The following CLCA4 variants were observed in gnomAD, a reference collection of about 807,000 sequenced individuals.
CLCA4 encodes the protein chloride channel accessory 4.
Under a neutral mutation model 78.9 loss-of-function variants are expected in CLCA4, and 69 were observed. That is an observed-to-expected ratio of 0.87 (90% CI 0.72 to 1.07). CLCA4 has a LOEUF of 1.07. CLCA4 is among the 50% of genes least tolerant of loss of function. The probability of loss-of-function intolerance (pLI) is 0.00; values close to 1 mark genes in which losing one functional copy is unlikely to be tolerated. For missense variants in CLCA4, 1,133 were observed against 1,095.8 expected, an observed-to-expected ratio of 1.03 and a Z score of -0.48; for synonymous variants, 362 against 375.8, an observed-to-expected ratio of 0.96 and a Z score of 0.42.
chr1:86,577,160 A>T (rs1486602828), intron 11 of CLCA4, among the ~76,000 whole-genome samples: 1 of 152,000 alleles, frequency 6.6e-6, no homozygotes, highest in African/African-American at 2.4e-5. Flanking sequence ...TCTCTACTAC[A>T]TTAAAACTTA....
Position 86,560,359 on chromosome 1 carries a change from G to C in CLCA4, c.448+1G>C. 6.2e-7 allele frequency: 1 copy of C among 1,613,228 alleles called. No homozygotes were observed. The highest frequency in any genetic ancestry group is 8.5e-7 in the Non-Finnish European group (1 of 1,179,710). On this transcript the variant is annotated splice_donor_variant, in intron 3 of 13. Coordinates refer to ENST00000370563, the MANE Select transcript of CLCA4 (RefSeq NM_012128.4). LOFTEE classifies it high-confidence loss of function. ...AAACAAAATGAATATGGACCACCAG[G>C]TAGAAATTTTGGTTAAAAAATAATT...
intron 1 of CLCA4, among the ~76,000 whole-genome samples, chr1:86,548,110 T>C (rs942329728): frequency 1.1e-4 from 17 of 152,162 alleles, no homozygotes; most frequent in Non-Finnish European, 2.1e-4. Context: ...GTCAGCACTT[T>C]TTTTGTCTTT....
chr1:86,558,853 G>A (rs1307561002), intron 1 of CLCA4, among the ~76,000 whole-genome samples: 2 of 152,166 alleles, frequency 1.3e-5, no homozygotes, highest in African/African-American at 2.4e-5. Flanking sequence ...TGGGGACACA[G>A]TGAAACCATA....
At chr1:86,579,084 T>C (rs1650621095) in intron 12 of CLCA4, among the ~76,000 whole-genome samples, 1 of 152,002 alleles carries the variant, frequency 6.6e-6, no homozygotes, top group Non-Finnish European at 1.5e-5. Context: ...ATTCCTTTTT[T>C]AAAAAGGCAC....
chr1:86,579,639 A>G (rs1245226771), intron 13 of CLCA4, 52 bp downstream of exon 13: 11 of 1,356,662 alleles, frequency 8.1e-6, no homozygotes, highest in Non-Finnish European at 1.1e-5. Flanking sequence ...TGCTAATTGC[A>G]AAAACAGGGG....
chr1:86,575,813 G>A (rs1266924642), intron 11 of CLCA4, among the ~76,000 whole-genome samples: 2 of 152,048 alleles, frequency 1.3e-5, no homozygotes, highest in East Asian at 3.9e-4. Flanking sequence ...TTTTTGGGCT[G>A]GGCGCTGTGG....
chr1:86,562,145 A>G (rs762707334), intron 3 of CLCA4, among the ~76,000 whole-genome samples: 3 of 152,302 alleles, frequency 2.0e-5, no homozygotes, highest in Non-Finnish European at 4.4e-5. Context: ...AGGAACAGAG[A>G]TAGCTGGAAA....
intron 6 of CLCA4, 110 bp from the exon 7 acceptor site, chr1:86,567,314 T>A: frequency 2.2e-6 from 2 of 911,892 alleles, no homozygotes; most frequent in Non-Finnish European, 3.3e-6. Context: ...CAACATCAAT[T>A]ACCATTCATA....
At chr1:86,564,776 C>T (rs1178904382) in intron 4 of CLCA4, among the ~76,000 whole-genome samples, 4 of 152,138 alleles carry the variant, frequency 2.6e-5, no homozygotes, top group Non-Finnish European at 5.9e-5. Flanking sequence ...GGCAGCACCT[C>T]ATCTTCGCTT....
At chr1:86,563,802 A>G in intron 4 of CLCA4, 33 bp downstream of exon 4, 2 of 1,197,052 alleles carry the variant, frequency 1.7e-6, no homozygotes, top group Non-Finnish European at 2.5e-6. Context: ...AACTGACTTC[A>G]GGCTTTTATC....
rs984738130 is a variant in CLCA4 at position 86,553,341 on chromosome 1, A to T, written c.159+6063A>T. On this transcript the variant is annotated intron_variant, in intron 1 of 13. Transcript: ENST00000370563. ...TTTCCCCTTCAGTCCTCGTGCAAAC[A>T]TTGTGTCTTTGAGAGAACGGTTATC... 4.7e-5 allele frequency: 29 copies of T among 615,496 alleles called. No individual in the cohort carries two copies. In the African/African-American group the frequency reaches 4.7e-4, roughly 10 times the overall value. The allele number at this position is 615,496 out of a possible 1,614,324, so 38.1% of individuals were successfully genotyped here.
At chr1:86,562,571 A>G (rs1010568584) in intron 3 of CLCA4, among the ~76,000 whole-genome samples, 3 of 152,062 alleles carry the variant, frequency 2.0e-5, no homozygotes, top group Non-Finnish European at 2.9e-5. Flanking sequence ...AAGAAACATG[A>G]CGGCTGGGCA....
rs1227262584 is a variant in CLCA4, at chr1:86,563,366, T to C, written c.449-295T>C. Among the ~76,000 whole-genome samples the C allele has an allele frequency of 2.0e-5, 3 of 151,926 alleles. 1 individual carries two copies. The highest frequency in any genetic ancestry group is 4.4e-5 in the Non-Finnish European group (3 of 67,948). On this transcript the variant is annotated intron_variant, in intron 3 of 13. Coordinates refer to ENST00000370563, the MANE Select transcript of CLCA4 (RefSeq NM_012128.4). The stretch of plus-strand genomic sequence containing the variant: ...ACCATAAACCATTGTACTAAGACTT[T>C]TTACCACCAAGAACCAAAACACAAA...
chr1:86,559,801 G>A (rs1411665165), intron 1 of CLCA4, 131 bp from the exon 2 acceptor site: 10 of 703,056 alleles, frequency 1.4e-5, no homozygotes, highest in Non-Finnish European at 2.4e-5. Context: ...AGAATAATGA[G>A]ACAGAGACCC....
chr1:86,562,679 C>A (rs1650057757), intron 3 of CLCA4, among the ~76,000 whole-genome samples: 1 of 151,750 alleles, frequency 6.6e-6, no homozygotes, highest in Admixed American at 6.6e-5. Context: ...GTGGTGAAAC[C>A]CCATCTCTAC....
intron 1 of CLCA4, among the ~76,000 whole-genome samples, chr1:86,553,585 T>G (rs2101791715): frequency 6.6e-6 from 1 of 152,292 alleles, no homozygotes. Flanking sequence ...CCTTTACCCT[T>G]TTAAAACAAT....
At chr1:86,553,876 C>T (rs1649747980) in intron 1 of CLCA4, among the ~76,000 whole-genome samples, 3 of 151,982 alleles carry the variant, frequency 2.0e-5, no homozygotes, top group Admixed American at 6.6e-5. Context: ...GCGGAGGTTG[C>T]AGTAAGCCAA....
At chr1:86,552,216 G>C (rs2101789561) in intron 1 of CLCA4, among the ~76,000 whole-genome samples, 1 of 152,232 alleles carries the variant, frequency 6.6e-6, no homozygotes, top group Non-Finnish European at 1.5e-5. Context: ...TTAAAAATAT[G>C]TATCTTAAGA....
At position 86,577,122 on chromosome 1, in the gene CLCA4, C is replaced by T. The variant is rs141436763; in HGVS notation, c.1952-780C>T. On this transcript the variant is annotated intron_variant, in intron 11 of 13. Coordinates refer to ENST00000370563, the MANE Select transcript of CLCA4 (RefSeq NM_012128.4). The stretch of plus-strand genomic sequence containing the variant: ...ATATATCAATATTTCCACAACTATC[C>T]CTTGCCTCTTTTTTCCCTTTCTGCA... Among the ~76,000 whole-genome samples the T allele has an allele frequency of 5.7e-3, 860 of 152,160 alleles. 6 individuals carry two copies. Among genetic ancestry groups the T allele is most frequent in the African/African-American group, 0.019 (797 of 41,536 alleles).
Sources: gnomAD v4.1 joint callset for allele counts (sites outside exome capture counted in the v4.1 genomes callset) on GRCh38, gnomAD v4.1.1 for gene constraint, MANE v1.5 for transcripts, NCBI Gene and HGNC (gene_info 2026-07-23, HGNC 2026-07-21) for gene names.